Variants in NWD2 observed in about 807,000 individuals in gnomAD.
NWD2 encodes NACHT and WD repeat domain-containing protein 2.
Under a neutral mutation model 132.7 loss-of-function variants are expected in NWD2, and 37 were observed. The ratio of observed to expected loss-of-function variants is 0.28; its 90% CI spans 0.21 to 0.37. The LOEUF is 0.37. NWD2 is among the 10% of genes least tolerant of loss of function. The pLI is 1.00. For synonymous variants in NWD2, 705 were observed against 803.0 expected (o/e 0.88, Z 2.06); for missense variants, 1,592 against 2,122.4 (o/e 0.75, Z 4.91).
At chr4:37,279,727 C>T (rs1442216197) in intron 1 of NWD2, among the ~76,000 whole-genome samples, 1 of 152,096 alleles carries the variant, frequency 6.6e-6, no homozygotes, top group Admixed American at 6.5e-5. Flanking sequence ...TAAGCCTAAA[C>T]ATTAACTCTA....
chr4:37,375,023 T>C (rs1346810446), intron 3 of NWD2, among the ~76,000 whole-genome samples: 1 of 152,218 alleles, frequency 6.6e-6, no homozygotes, highest in Admixed American at 6.5e-5. Context: ...CAGCATAACT[T>C]CTGAAAATGA....
intron 1 of NWD2, among the ~76,000 whole-genome samples, chr4:37,287,734 G>A (rs1718265150): frequency 6.6e-6 from 1 of 152,186 alleles, no homozygotes; most frequent in Non-Finnish European, 1.5e-5. Flanking sequence ...AGGAATCTGG[G>A]CAGCCCAGAC....
chr4:37,444,825 T>C lies in NWD2; in HGVS notation c.2837T>C (p.Val946Ala). Residue 946 changes from valine (V) to alanine (A), a missense_variant, in exon 7 of 7, where the codon GTA becomes GCA. Physicochemically the swap from Val to Ala is moderately conservative, Grantham distance 64 (BLOSUM62 0). Transcript: ENST00000309447. This position sits in a 1 kb window ranked among gnomAD's most constrained non-coding sequence, Gnocchi z 4.8. ...GATGGGCCCAAATATTGCTCCATTG[T>C]ACCACTGCATTCATCCATGGATGTG... ...DKDGPKYCSI[V>A]PLHSSMDVTY... 1.3e-6 allele frequency: 2 copies of C among 1,552,160 alleles called. No individual in the cohort carries two copies. Among genetic ancestry groups the C allele is most frequent in the Non-Finnish European group, 1.7e-6 (2 of 1,147,068 alleles).
At chr4:37,442,999 T>C (rs1678805934) in intron 6 of NWD2, among the ~76,000 whole-genome samples, 1 of 152,034 alleles carries the variant, frequency 6.6e-6, no homozygotes, top group Non-Finnish European at 1.5e-5. Context: ...ACACCTTGTA[T>C]CTTCTGGAAT....
chr4:37,445,691 A>T lies in NWD2; in HGVS notation c.3703A>T (p.Ile1235Leu). Residue 1235 changes from isoleucine (I) to leucine (L), a missense_variant, in exon 7 of 7, where the codon ATA (isoleucine) becomes TTA (leucine). Physicochemically the swap from Ile to Leu is conservative, Grantham distance 5. Transcript: ENST00000309447. The surrounding 1 kb of genome is among the most constrained non-coding windows in gnomAD (Gnocchi z 4.7). ...KFRAKHNERF[I>L]SAVLSKNGDC... Reference sequence around the variant, plus strand: ...CAGAGCCAAGCACAACGAACGCTTTATATCTGCCGTGCTGTCTAAAAATGG... The same window carrying T: ...CAGAGCCAAGCACAACGAACGCTTTTTATCTGCCGTGCTGTCTAAAAATGG... 1.3e-6 allele frequency: 2 copies of T among 1,552,010 alleles called. No individual in the cohort carries two copies.
intron 2 of NWD2, among the ~76,000 whole-genome samples, chr4:37,332,805 C>A (rs144506705): frequency 3.9e-5 from 6 of 152,132 alleles, no homozygotes; most frequent in African/African-American, 1.4e-4. Context: ...CAGTTCCAGG[C>A]CTTGGCTCTC....
intron 1 of NWD2, among the ~76,000 whole-genome samples, chr4:37,268,728 T>A (rs1174730226): frequency 7.5e-5 from 3 of 40,260 alleles, no homozygotes; most frequent in Non-Finnish European, 1.6e-4. Flanking sequence ...GCTGTTGGCA[T>A]GAGGAATCAG....
intron 4 of NWD2, among the ~76,000 whole-genome samples, chr4:37,431,604 G>C (rs968067286): frequency 3.3e-5 from 5 of 152,184 alleles, no homozygotes; most frequent in Admixed American, 3.3e-4. Context: ...TTGGCTGAGA[G>C]AGCAGATCTC....
Position 37,446,769 on chromosome 4 carries a change from G to C in NWD2, c.4781G>C (p.Gly1594Ala). 6.4e-7 allele frequency: 1 copy of C among 1,551,778 alleles called. No homozygotes were observed. The highest frequency in any genetic ancestry group is 8.7e-7 in the Non-Finnish European group (1 of 1,147,030). ...AATGGGGAGGAGGAGGATGAAAATG[G>C]TGCAATATTCAGTTTAATTGTAATG... ...FRNGEEEDEN[G>A]AIFSLIVMRL... Residue 1594 changes from glycine to alanine, a missense_variant, in exon 7 of 7, where the codon GGT (glycine) becomes GCT (alanine). Physicochemically the swap from Gly to Ala is moderately conservative, Grantham distance 60. Around this residue, in one of 7 missense-constraint regions of NWD2, gnomAD observed 257 missense variants for 335.0 expected, o/e 0.77. Coordinates refer to ENST00000309447, the MANE Select transcript of NWD2 (RefSeq NM_001144990.2). The surrounding 1 kb of genome is among the most constrained non-coding windows in gnomAD (Gnocchi z 6.7).
intron 2 of NWD2, among the ~76,000 whole-genome samples, chr4:37,353,251 A>G (rs900938235): frequency 6.6e-6 from 1 of 151,256 alleles, no homozygotes; most frequent in Non-Finnish European, 1.5e-5. Flanking sequence ...CCCTTTCCCA[A>G]CCTTTCTCTA....
rs1467337369 is a variant in NWD2 at position 37,444,649 on chromosome 4, G to A, written c.2661G>A (p.Lys887=). The A allele has an allele frequency of 3.2e-6, 5 of 1,552,232 alleles. No homozygotes were observed. The East Asian group carries it at 9.8e-5, about 30-fold the overall frequency. ...TGGCTTACAACTACTCGCAAGAGAAGGAGCTGAAGTTCCTGGCCAACACCC... is the reference window on the plus strand; with the variant it reads ...TGGCTTACAACTACTCGCAAGAGAAAGAGCTGAAGTTCCTGGCCAACACCC... The part of the protein sequence containing the change: ...IELAYNYSQE[K]ELKFLANTLR... The change falls in exon 7 of 7, where the codon AAG becomes AAA. Residue 887 remains lysine (K), a synonymous_variant. Transcript: ENST00000309447. This position sits in a 1 kb window ranked among gnomAD's most constrained non-coding sequence, Gnocchi z 4.8.
intron 1 of NWD2, among the ~76,000 whole-genome samples, chr4:37,259,547 T>C (rs1717587818): frequency 1.3e-5 from 2 of 152,184 alleles, no homozygotes; most frequent in Non-Finnish European, 2.9e-5. Context: ...CACTTTAGGT[T>C]ACACATCTCA....
intron 3 of NWD2, among the ~76,000 whole-genome samples, chr4:37,396,866 C>G (rs1376732698): frequency 3.9e-5 from 6 of 152,100 alleles, no homozygotes; most frequent in African/African-American, 7.2e-5. Flanking sequence ...AACCCCATCT[C>G]TACTAAAAAT....
intron 1 of NWD2, among the ~76,000 whole-genome samples, chr4:37,298,007 C>T (rs548817135): frequency 6.6e-6 from 1 of 152,216 alleles, no homozygotes; most frequent in East Asian, 1.9e-4. Context: ...CTGCAACACG[C>T]CACAGGGAAC....
chr4:37,401,697 C>T (rs1289779011), intron 3 of NWD2, among the ~76,000 whole-genome samples: 1 of 152,238 alleles, frequency 6.6e-6, no homozygotes, highest in Admixed American at 6.5e-5. Flanking sequence ...AGGTCTTCTA[C>T]TATCCACCTT....
intron 3 of NWD2, among the ~76,000 whole-genome samples, chr4:37,421,115 A>G (rs1341163540): frequency 1.3e-5 from 2 of 152,062 alleles, no homozygotes; most frequent in African/African-American, 2.4e-5. Flanking sequence ...CTAATTTGAC[A>G]TCTCACTTTT....
intron 2 of NWD2, among the ~76,000 whole-genome samples, chr4:37,345,819 T>C (rs1352472541): frequency 6.6e-6 from 1 of 152,178 alleles, no homozygotes; most frequent in Non-Finnish European, 1.5e-5. Flanking sequence ...CAGTGGCTCA[T>C]GCCTGTAATC....
intron 3 of NWD2, among the ~76,000 whole-genome samples, chr4:37,420,920 C>T (rs1213351362): frequency 1.3e-5 from 2 of 151,938 alleles, no homozygotes; most frequent in Non-Finnish European, 2.9e-5. Context: ...ACTACTATTC[C>T]AGCCAGCTTA....
At chr4:37,344,294 G>T (rs1340425862) in intron 2 of NWD2, among the ~76,000 whole-genome samples, 1 of 152,092 alleles carries the variant, frequency 6.6e-6, no homozygotes, top group Non-Finnish European at 1.5e-5. Context: ...GCGTGAGTTG[G>T]CTGTTTCATT....
Sources: gnomAD v4.1 joint callset for allele counts (sites outside exome capture counted in the v4.1 genomes callset) on GRCh38, gnomAD v4.1.1 for gene constraint, gnomAD v4.1.1 regional missense constraint, Gnocchi (gnomAD v3.1) non-coding constraint, MANE v1.5 for transcripts, NCBI Gene and HGNC (gene_info 2026-07-23, HGNC 2026-07-21) for gene names.